The following FREM1 variants were observed in gnomAD, a reference collection of about 807,000 sequenced individuals.
FREM1 encodes the protein FRAS1 related extracellular matrix 1.
FREM1 carries 220 observed loss-of-function variants against 210.1 expected under a neutral mutation model. That is an observed-to-expected ratio of 1.05 (90% confidence interval 0.94 to 1.17). The LOEUF (loss-of-function observed/expected upper bound fraction) is 1.17, where lower values mean the gene tolerates loss of function less well. FREM1 is among the 50% of genes most tolerant of loss of function. FREM1 has a pLI of 0.00. For synonymous variants in FREM1, 1,189 were observed against 980.2 expected, an observed-to-expected ratio of 1.21 and a Z score of -3.98; for missense variants, 3,454 against 2,675.5, an observed-to-expected ratio of 1.29 and a Z score of -6.42.
chr9:14,874,980 A>G (rs983206483), intron 1 of FREM1, among the ~76,000 whole-genome samples: 3 of 152,162 alleles, frequency 2.0e-5, no homozygotes, highest in Non-Finnish European at 4.4e-5. Context: ...TTCTTTAAGA[A>G]TCTTGAATAT....
chr9:14,825,533 A>ATGTGTGTGTG (rs1303372397), intron 10 of FREM1, among the ~76,000 whole-genome samples: 1 of 93,576 alleles, frequency 1.1e-5, no homozygotes, highest in African/African-American at 3.8e-5. Flanking sequence ...ATATATATAT[A>ATGTGTGTGTG]TATGTGTGTG....
chr9:14,763,550 A>T (rs1051831691), intron 27 of FREM1, among the ~76,000 whole-genome samples: 1 of 152,170 alleles, frequency 6.6e-6, no homozygotes, highest in African/African-American at 2.4e-5. Context: ...ATCCCTGAAA[A>T]CCACTGTTGT....
At chr9:14,753,591 C>T (rs770591925) in intron 29 of FREM1, among the ~76,000 whole-genome samples, 6 of 152,286 alleles carry the variant, frequency 3.9e-5, no homozygotes, top group South Asian at 2.1e-4. Context: ...TCAAACCTTA[C>T]GGCATCCCAC....
intron 10 of FREM1, among the ~76,000 whole-genome samples, chr9:14,832,377 C>T (rs990736297): frequency 6.6e-6 from 1 of 152,196 alleles, no homozygotes; most frequent in African/African-American, 2.4e-5. Context: ...ACCCTCACTG[C>T]AGCTAAAACA....
chr9:14,841,581 C>G lies in FREM1; in HGVS notation c.1747G>C (p.Val583Leu). The change falls in exon 10 of 37, where the codon GTC becomes CTC. Residue 583 changes from valine (V) to leucine (L), a missense_variant. By Grantham distance (32) the Val-to-Leu change is conservative. Transcript: ENST00000380880. Reference protein sequence around the residue: ...KPGPGLIGYPVHGFLQRDLFN... With the variant: ...KPGPGLIGYPLHGFLQRDLFN... ...AAATCCCTCTGAAGGAAGCCATGGA[C>G]AGGATAGCCTATTGGGTCCATAAAA... 1.2e-6 allele frequency: 2 copies of G among 1,602,610 alleles called. No homozygotes were observed. Among genetic ancestry groups the G allele is most frequent in the Non-Finnish European group, 1.7e-6 (2 of 1,172,028 alleles).
intron 1 of FREM1, among the ~76,000 whole-genome samples, chr9:14,875,675 C>T (rs1046695435): frequency 6.6e-5 from 10 of 151,964 alleles, no homozygotes; most frequent in Non-Finnish European, 1.3e-4. Flanking sequence ...TCTCTCAACT[C>T]GTCAAAGTCA....
intron 10 of FREM1, among the ~76,000 whole-genome samples, chr9:14,834,671 C>T (rs1210908920): frequency 1.3e-5 from 2 of 152,100 alleles, no homozygotes; most frequent in South Asian, 4.1e-4. Flanking sequence ...GCCCCTGAAA[C>T]ATTCAGAAAA....
At position 14,792,767 on chromosome 9, in the gene FREM1, G is replaced by C. The variant is rs759193669; in HGVS notation, c.3957C>G (p.Pro1319=). The stretch of plus-strand genomic sequence containing the variant: ...CCTTAAGCTGAAGTTGCCCATTTTG[G>C]GGAAGCCTTTCAAATACATAGTAAA... ...EKIYYVFERL[P]QNGQLQLKIG... The change falls in exon 22 of 37, where the codon CCC becomes CCG. Residue 1319 remains proline (P), a synonymous_variant. Transcript: ENST00000380880. 6.3e-7 allele frequency: 1 copy of C among 1,599,276 alleles called. No individual in the cohort carries two copies. Among genetic ancestry groups the C allele is most frequent in the Non-Finnish European group, 8.5e-7 (1 of 1,174,914 alleles).
In FREM1 at chr9:14,877,647, G is replaced by A. The variant is rs560885871; in HGVS notation, c.-267-8403C>T. Among the ~76,000 whole-genome samples, 4 of 152,152 alleles carry A rather than the reference G, an allele frequency of 2.6e-5. No individual in the cohort carries two copies. The East Asian group carries it at 5.8e-4, about 22-fold the overall frequency. ...GACTGGAACCAGGGGCTCTCCTGCT[G>A]AACATGAAGAAGCAAGCCTCCATGG... On this transcript the variant is annotated intron_variant, in intron 1 of 36. Coordinates refer to ENST00000380880, the MANE Select transcript of FREM1 (RefSeq NM_001379081.2).
chr9:14,739,154 A>C (rs1437917066), intron 36 of FREM1, among the ~76,000 whole-genome samples: 1 of 151,708 alleles, frequency 6.6e-6, no homozygotes, highest in Non-Finnish European at 1.5e-5. Context: ...CCTAGGCTGG[A>C]ATGCAGTGGC....
chr9:14,861,641 G>C (rs544161491), intron 3 of FREM1, among the ~76,000 whole-genome samples: 1 of 151,308 alleles, frequency 6.6e-6, no homozygotes, highest in Non-Finnish European at 1.5e-5. Flanking sequence ...CGAATAGCTG[G>C]GACTACAGGT....
At chr9:14,879,186 T>C (rs1048401944) in intron 1 of FREM1, among the ~76,000 whole-genome samples, 1 of 149,632 alleles carries the variant, frequency 6.7e-6, no homozygotes, top group African/African-American at 2.5e-5. Context: ...ACTGGCATCA[T>C]AAGCGGGCAC....
At chr9:14,745,479 C>T (rs951916098) in intron 35 of FREM1, among the ~76,000 whole-genome samples, 3 of 152,122 alleles carry the variant, frequency 2.0e-5, no homozygotes, top group Non-Finnish European at 4.4e-5. Flanking sequence ...GTCATTTTGT[C>T]ATTGATTTGT....
intron 14 of FREM1, 64 bp downstream of exon 14, chr9:14,819,170 C>T (rs980556033): frequency 6.8e-6 from 8 of 1,174,658 alleles, no homozygotes; most frequent in Non-Finnish European, 9.6e-6. Context: ...TCTTACTCTG[C>T]CTCACAACTG....
intron 17 of FREM1, among the ~76,000 whole-genome samples, chr9:14,807,494 G>A (rs959645892): frequency 6.6e-6 from 1 of 152,094 alleles, no homozygotes; most frequent in Non-Finnish European, 1.5e-5. Flanking sequence ...TTTCTAAAAA[G>A]CAAATAAGGT....
Position 14,884,844 on chromosome 9 carries a change from C to T in FREM1, c.-267-15600G>A, listed in dbSNP as rs73417666. On this transcript the variant is annotated intron_variant, in intron 1 of 36. Transcript: ENST00000380880. The stretch of plus-strand genomic sequence containing the variant: ...TCTGGAATTTTGCAATGGTAGCTAC[C>T]CAACACAAGGCAAGTGCCTTCCCCC... 7.0e-3 allele frequency among the ~76,000 whole-genome samples: 1,063 copies of T among 151,316 alleles called. 16 individuals are homozygous for T. The highest frequency in any genetic ancestry group is 0.025 in the African/African-American group (1,018 of 41,268).
chr9:14,746,415 A>T lies in FREM1; in HGVS notation c.6192T>A (p.Cys2064Ter). The T allele has an allele frequency of 6.2e-7, 1 of 1,613,874 alleles. No individual in the cohort carries two copies. The highest frequency in any genetic ancestry group is 8.5e-7 in the Non-Finnish European group (1 of 1,179,788). The stretch of plus-strand genomic sequence containing the variant: ...CTTTCTGCTCTGTGATCAAGATGTG[A>T]CAGTAGCCTGAGTGCTGGTGCCACC... The part of the protein sequence containing the change: ...PAGWHQHSGY[C>*]HILITEQKGT... Residue 2064 changes from cysteine (C) to a stop codon, truncating the protein, a stop_gained, in exon 35 of 37, where the codon TGT (cysteine) becomes TGA (stop). Coordinates refer to ENST00000380880, the MANE Select transcript of FREM1 (RefSeq NM_001379081.2). LOFTEE classifies it high-confidence loss of function.
Position 14,818,227 on chromosome 9 carries a change from C to T in FREM1, c.2546+1007G>A, listed in dbSNP as rs540498675. ...GGTACTGTTTATCCATCATTCACTC[C>T]GTAGCAAGAATTACCTAAACAGGGC... On this transcript the variant is annotated intron_variant, in intron 14 of 36. Transcript: ENST00000380880. 1.8e-4 allele frequency among the ~76,000 whole-genome samples: 27 copies of T among 152,312 alleles called. No homozygotes were observed. In the East Asian group the frequency reaches 3.9e-3, roughly 22 times the overall value.
chr9:14,832,398 C>T lies in FREM1; in HGVS notation c.1882-7406G>A, dbSNP rs151224234. Among the ~76,000 whole-genome samples, 276 of 152,282 alleles carry T rather than the reference C, an allele frequency of 1.8e-3. 1 individual carries two copies. Among genetic ancestry groups the T allele is most frequent in the African/African-American group, 6.2e-3 (257 of 41,550 alleles). ...ACTGCAGCTAAAACAGGCAGCTCTG[C>T]ACGCAGAAGAGAATTTTGGAGATAA... On this transcript the variant is annotated intron_variant, in intron 10 of 36. Transcript: ENST00000380880.
Sources: allele counts gnomAD v4.1 joint callset (sites outside exome capture counted in the v4.1 genomes callset), GRCh38; gene constraint gnomAD v4.1.1; transcripts MANE v1.5; gene names NCBI Gene and HGNC (gene_info 2026-07-23, HGNC 2026-07-21).